Variants in DLGAP2 observed in about 807,000 individuals in gnomAD.
The protein encoded by DLGAP2 is disks large-associated protein 2.
DLGAP2 carries 26 observed loss-of-function variants against 100.3 expected under a neutral mutation model. The ratio of observed to expected loss-of-function variants is 0.26; its 90% CI spans 0.19 to 0.36. The LOEUF (loss-of-function observed/expected upper bound fraction) is 0.36, where lower values mean the gene tolerates loss of function less well. Among genes scored for constraint, DLGAP2 ranks in the 10% least tolerant of loss-of-function variants. The probability of loss-of-function intolerance (pLI) is 1.00; values close to 1 mark genes in which losing one functional copy is unlikely to be tolerated. For synonymous variants in DLGAP2, 886 were observed against 630.1 expected, an observed-to-expected ratio of 1.41 and a Z score of -6.08; for missense variants, 1,858 against 1,453.2, an observed-to-expected ratio of 1.28 and a Z score of -4.53.
chr8:1,592,693 T>G (rs1010535493), intron 6 of DLGAP2, among the ~76,000 whole-genome samples: 1 of 152,146 alleles, frequency 6.6e-6, no homozygotes, highest in Admixed American at 6.5e-5. Context: ...TTTAATGCAG[T>G]GATAGTTATT....
intron 2 of DLGAP2, among the ~76,000 whole-genome samples, chr8:1,173,135 C>T (rs1421273951): frequency 6.6e-6 from 1 of 152,192 alleles, no homozygotes; most frequent in African/African-American, 2.4e-5. Context: ...TTGGAGTTTG[C>T]TAGAGGTCCA....
At chr8:1,669,720 T>C in intron 9 of DLGAP2, 23 bp from the exon 10 acceptor site, 1 of 780,884 alleles carries the variant, frequency 1.3e-6, no homozygotes, top group Non-Finnish European at 2.4e-6. Flanking sequence ...GTCTCCACAC[T>C]GTGGCTTCAT....
chr8:1,446,158 T>A (rs1367958809), intron 3 of DLGAP2, among the ~76,000 whole-genome samples: 2 of 152,124 alleles, frequency 1.3e-5, no homozygotes, highest in African/African-American at 4.8e-5. Flanking sequence ...AGACATGAAG[T>A]CCTTGCCCAT....
intron 8 of DLGAP2, among the ~76,000 whole-genome samples, chr8:1,635,944 C>G (rs1484905103): frequency 6.6e-6 from 1 of 152,184 alleles, no homozygotes; most frequent in South Asian, 2.1e-4. Context: ...CCCTTTTAAT[C>G]TAATCACCAG....
chr8:865,435 C>T (rs555368090), intron 1 of DLGAP2, among the ~76,000 whole-genome samples: 2 of 152,192 alleles, frequency 1.3e-5, no homozygotes, highest in African/African-American at 2.4e-5. Context: ...GGCGTCAGGT[C>T]TACTTGCAGC....
intron 3 of DLGAP2, among the ~76,000 whole-genome samples, chr8:1,360,179 G>T (rs2129651969): frequency 6.7e-6 from 1 of 150,256 alleles, no homozygotes; most frequent in South Asian, 2.1e-4. Context: ...AGCGACTCCT[G>T]CTGCTTCCCG....
At position 1,570,123 on chromosome 8, in the gene DLGAP2, A is replaced by G. The variant is rs543219358; in HGVS notation, c.1442+4229A>G. 5.3e-5 allele frequency among the ~76,000 whole-genome samples: 8 copies of G among 152,358 alleles called. No homozygotes were observed. In the South Asian group the frequency reaches 1.7e-3, roughly 32 times the overall value. On this transcript the variant is annotated intron_variant, in intron 6 of 14. Coordinates refer to ENST00000637795, the MANE Select transcript of DLGAP2 (RefSeq NM_001346810.2). The stretch of plus-strand genomic sequence containing the variant: ...GTGAGTGTGGACAAAATTCTCTTGA[A>G]AGATTTTAACAGTGGAGATGTCAGA...
intron 3 of DLGAP2, among the ~76,000 whole-genome samples, chr8:1,338,718 G>T (rs1801346192): frequency 6.6e-6 from 1 of 152,328 alleles, no homozygotes; most frequent in African/African-American, 2.4e-5. Flanking sequence ...TCCCATAATG[G>T]GGAGAGAGTG....
chr8:742,940 C>A (rs1380399663), intron 1 of DLGAP2, among the ~76,000 whole-genome samples: 1 of 152,116 alleles, frequency 6.6e-6, no homozygotes, highest in Non-Finnish European at 1.5e-5. Flanking sequence ...AAGAATGGTG[C>A]ACGTAGGAAA....
At chr8:1,122,008 A>C (rs1036886448) in intron 2 of DLGAP2, among the ~76,000 whole-genome samples, 2 of 152,126 alleles carry the variant, frequency 1.3e-5, no homozygotes, top group African/African-American at 2.4e-5. Context: ...AATTTCATTT[A>C]ATGGGAGACA....
chr8:1,689,977 C>T (rs1799215408), intron 12 of DLGAP2, among the ~76,000 whole-genome samples: 1 of 152,140 alleles, frequency 6.6e-6, no homozygotes, highest in Non-Finnish European at 1.5e-5. Context: ...CCAGTCGATT[C>T]CTGTGTGGTT....
At chr8:1,631,109 A>G (rs1797634509) in intron 7 of DLGAP2, among the ~76,000 whole-genome samples, 1 of 152,120 alleles carries the variant, frequency 6.6e-6, no homozygotes, top group African/African-American at 2.4e-5. Context: ...CTGCTGGACC[A>G]TCTTGAGATG....
chr8:1,433,531 G>A (rs370874873), intron 3 of DLGAP2, among the ~76,000 whole-genome samples: 6 of 152,334 alleles, frequency 3.9e-5, no homozygotes, highest in African/African-American at 9.6e-5. Context: ...GAGCCCACCC[G>A]AGTAGGTCCT....
At position 1,626,925 on chromosome 8, in the gene DLGAP2, C is replaced by A. The variant is rs80120802; in HGVS notation, c.1590+38C>A. ...TCGCCCTTTCTCCCTGGGGTCCAGT[C>A]TCCCCAGCCAGGCTGGCACGGAGGC... On this transcript the variant is annotated intron_variant, in intron 7 of 14. Coordinates refer to ENST00000637795, the MANE Select transcript of DLGAP2 (RefSeq NM_001346810.2). The A allele has an allele frequency of 3.6e-3, 5,651 of 1,557,562 alleles. 183 individuals carry two copies. In the African/African-American group the frequency reaches 0.064, roughly 18 times the overall value.
At chr8:1,058,644 C>G (rs569774916) in intron 2 of DLGAP2, among the ~76,000 whole-genome samples, 4 of 152,332 alleles carry the variant, frequency 2.6e-5, no homozygotes, top group African/African-American at 7.2e-5. Context: ...TTCTAGCCAT[C>G]TACCAAGTAG....
intron 2 of DLGAP2, among the ~76,000 whole-genome samples, chr8:1,213,189 T>G (rs1245471644): frequency 1.3e-5 from 2 of 152,106 alleles, no homozygotes; most frequent in African/African-American, 2.4e-5. Flanking sequence ...TATTAGCTGT[T>G]TTGCGGGTGT....
At chr8:1,227,501 CTTT>C (rs200323661) in intron 2 of DLGAP2, among the ~76,000 whole-genome samples, 1 of 143,664 alleles carries the variant, frequency 7.0e-6, no homozygotes, top group African/African-American at 2.6e-5. Flanking sequence ...CTTTTCTTTT[CTTT>C]TTTTTTTTTG....
intron 4 of DLGAP2, among the ~76,000 whole-genome samples, chr8:1,518,810 C>G (rs910643713): frequency 6.6e-6 from 1 of 152,196 alleles, no homozygotes; most frequent in South Asian, 2.1e-4. Flanking sequence ...TAGTCACTGT[C>G]TTTGGCTACT....
At chr8:812,201 C>G (rs185040060) in intron 1 of DLGAP2, among the ~76,000 whole-genome samples, 5 of 152,286 alleles carry the variant, frequency 3.3e-5, no homozygotes, top group Admixed American at 3.3e-4. Flanking sequence ...AGGCAGGAGA[C>G]CCAGGGAGGA....
Sources: gnomAD v4.1 joint callset for allele counts (sites outside exome capture counted in the v4.1 genomes callset) on GRCh38, gnomAD v4.1.1 for gene constraint, MANE v1.5 for transcripts, NCBI Gene and HGNC (gene_info 2026-07-23, HGNC 2026-07-21) for gene names.